EXOC6B: variants seen among roughly 807,000 people sequenced by gnomAD.
EXOC6B encodes SEC15 homolog B.
In EXOC6B, 54 loss-of-function variants were observed where a neutral mutation model predicts 113.5. The observed-to-expected ratio is 0.48, with a 90% CI of 0.38 to 0.60. The LOEUF is 0.60. Ranked by LOEUF, EXOC6B falls within the 20% of genes least tolerant of loss-of-function variation. The pLI is 0.00. For synonymous variants in EXOC6B, 357 were observed against 339.0 expected (o/e 1.05, Z -0.58); for missense variants, 797 against 977.5 (o/e 0.82, Z 2.46).
chr2:72,436,260 G>A (rs946904540), intron 18 of EXOC6B, among the ~76,000 whole-genome samples: 1 of 152,190 alleles, frequency 6.6e-6, no homozygotes, highest in Non-Finnish European at 1.5e-5. Flanking sequence ...TTTCTGCAGA[G>A]AGATCTGCTG....
intron 18 of EXOC6B, among the ~76,000 whole-genome samples, chr2:72,461,079 A>G (rs1697626086): frequency 6.6e-6 from 1 of 151,850 alleles, no homozygotes; most frequent in Admixed American, 6.6e-5. Flanking sequence ...GAAACTGGAA[A>G]TCATCATTCT....
intron 6 of EXOC6B, among the ~76,000 whole-genome samples, chr2:72,698,553 T>C (rs945172785): frequency 1.3e-5 from 2 of 152,256 alleles, no homozygotes; most frequent in Non-Finnish European, 2.9e-5. Flanking sequence ...ACATTTTTCA[T>C]TGTTATCTTG....
chr2:72,386,932 T>C lies in EXOC6B; in HGVS notation c.1981-7062A>G, dbSNP rs867437321. Among the ~76,000 whole-genome samples, 10 of 152,314 alleles carry C rather than the reference T, an allele frequency of 6.6e-5. No homozygotes were observed. The Middle Eastern group carries it at 0.01, about 155-fold the overall frequency. On this transcript the variant is annotated intron_variant, in intron 18 of 21. Transcript: ENST00000272427. ...GCCTAGGTTCTTTTGCTCAGCATGT[T>C]TCTGAGATTCATTCATACAGTTGCC...
intron 18 of EXOC6B, among the ~76,000 whole-genome samples, chr2:72,403,173 C>G (rs1230240238): frequency 6.6e-6 from 1 of 152,150 alleles, no homozygotes; most frequent in Non-Finnish European, 1.5e-5. Context: ...TATAAATTTA[C>G]CAAGCTTTTC....
chr2:72,750,280 C>T (rs1353997934), intron 1 of EXOC6B, among the ~76,000 whole-genome samples: 1 of 151,922 alleles, frequency 6.6e-6, no homozygotes, highest in Non-Finnish European at 1.5e-5. Context: ...AGTTTCCATC[C>T]TAAAACATAA....
At chr2:72,378,818 T>G (rs1224848340) in intron 19 of EXOC6B, among the ~76,000 whole-genome samples, 1 of 152,232 alleles carries the variant, frequency 6.6e-6, no homozygotes. Flanking sequence ...CATTTTCATT[T>G]CTCACCAACA....
chr2:72,400,951 A>G (rs1321375469), intron 18 of EXOC6B, among the ~76,000 whole-genome samples: 2 of 152,192 alleles, frequency 1.3e-5, no homozygotes, highest in East Asian at 3.9e-4. Context: ...TATCTACTCA[A>G]AGGAAAAGAA....
At chr2:72,611,301 C>T (rs1296522478) in intron 6 of EXOC6B, among the ~76,000 whole-genome samples, 1 of 151,106 alleles carries the variant, frequency 6.6e-6, no homozygotes, top group Non-Finnish European at 1.5e-5. Context: ...GAGGCGGCAG[C>T]GAGCCGAGAT....
chr2:72,671,775 G>GAAAGAAAGAAAGAAAGAA (rs1558902729), intron 6 of EXOC6B, among the ~76,000 whole-genome samples: 12 of 98,270 alleles, frequency 1.2e-4, no homozygotes, highest in African/African-American at 6.0e-4. Flanking sequence ...AAGAAAGAAA[G>GAAAGAAAGAAAGAAAGAA]AAAGAAAGAA....
At chr2:72,208,865 C>T (rs926698359) in intron 20 of EXOC6B, among the ~76,000 whole-genome samples, 2 of 152,164 alleles carry the variant, frequency 1.3e-5, no homozygotes, top group African/African-American at 4.8e-5. Context: ...TCTAGAAACT[C>T]TTACATCAAA....
At chr2:72,451,864 T>G (rs1696940830) in intron 18 of EXOC6B, among the ~76,000 whole-genome samples, 1 of 152,102 alleles carries the variant, frequency 6.6e-6, no homozygotes, top group Non-Finnish European at 1.5e-5. Flanking sequence ...TTGGAGAAGT[T>G]CAAGCACTTA....
intron 16 of EXOC6B, among the ~76,000 whole-genome samples, chr2:72,488,993 C>T (rs1475352004): frequency 1.3e-5 from 2 of 152,172 alleles, no homozygotes; most frequent in African/African-American, 2.4e-5. Context: ...CTCCAGCTAC[C>T]CTAGCCTCCT....
intron 21 of EXOC6B, among the ~76,000 whole-genome samples, chr2:72,183,819 A>C (rs1021623724): frequency 6.6e-6 from 1 of 151,938 alleles, no homozygotes; most frequent in African/African-American, 2.4e-5. Flanking sequence ...CCATTAAACT[A>C]GAAGGTAATG....
chr2:72,401,638 CATATATACATAT>C (rs1693308141), intron 18 of EXOC6B, among the ~76,000 whole-genome samples: 2 of 15,462 alleles, frequency 1.3e-4, no homozygotes, highest in African/African-American at 4.2e-4. Context: ...TATATATATA[CATATATACATAT>C]ATATATATAT....
chr2:72,725,631 A>G (rs1680252889), intron 5 of EXOC6B, among the ~76,000 whole-genome samples: 1 of 152,154 alleles, frequency 6.6e-6, no homozygotes, highest in African/African-American at 2.4e-5. Flanking sequence ...GGCTCAAGCA[A>G]TCTGCCCACC....
chr2:72,247,631 T>G (rs999750896), intron 20 of EXOC6B, among the ~76,000 whole-genome samples: 1 of 152,204 alleles, frequency 6.6e-6, no homozygotes, highest in Non-Finnish European at 1.5e-5. Flanking sequence ...TTAAGAAACT[T>G]TTCGGCTGGC....
chr2:72,770,140 A>G (rs1204212588), intron 1 of EXOC6B, among the ~76,000 whole-genome samples: 14 of 152,222 alleles, frequency 9.2e-5, no homozygotes, highest in Admixed American at 8.5e-4. Flanking sequence ...GAAAACTTCA[A>G]TAAAAAAGAA....
chr2:72,626,860 T>A (rs978629457), intron 6 of EXOC6B, among the ~76,000 whole-genome samples: 37 of 152,182 alleles, frequency 2.4e-4, no homozygotes, highest in Admixed American at 2.2e-3. Context: ...CCACCTAATA[T>A]ATATTCAGTC....
chr2:72,364,585 G>A (rs1339482444), intron 19 of EXOC6B, among the ~76,000 whole-genome samples: 1 of 151,972 alleles, frequency 6.6e-6, no homozygotes, highest in Non-Finnish European at 1.5e-5. Flanking sequence ...TGCTCTTTTA[G>A]TCTTAACTGA....
Sources: gnomAD v4.1 joint callset for allele counts (sites outside exome capture counted in the v4.1 genomes callset) on GRCh38, gnomAD v4.1.1 for gene constraint, MANE v1.5 for transcripts, NCBI Gene and HGNC (gene_info 2026-07-23, HGNC 2026-07-21) for gene names.